Variants in HPS3 observed in about 807,000 individuals in gnomAD.
HPS3 encodes the protein BLOC-2 complex member HPS3.
HPS3 carries 79 observed loss-of-function variants against 110.9 expected under a neutral mutation model. That is an observed-to-expected ratio of 0.71 (90% confidence interval 0.59 to 0.86). HPS3 has a LOEUF of 0.86. HPS3 is among the 40% of genes least tolerant of loss of function. The pLI is 0.00. For missense variants in HPS3, 1,197 were observed against 1,206.2 expected, an observed-to-expected ratio of 0.99 and a Z score of 0.11; for synonymous variants, 428 against 451.0, an observed-to-expected ratio of 0.95 and a Z score of 0.65.
chr3:149,129,641 A>C lies in HPS3; in HGVS notation c.-83A>C. ...CCGGCGTCATTGGCTCGCTCGCGGA[A>C]GTAGTCCTACATTCGCGGTCAGCGC... On this transcript the variant is annotated 5_prime_UTR_variant, in exon 1 of 17. Transcript: ENST00000296051. 22 of 1,045,450 alleles carry C rather than the reference A, an allele frequency of 2.1e-5. No homozygotes were observed. The highest frequency in any genetic ancestry group is 2.7e-5 in the Non-Finnish European group (20 of 753,452). 64.8% of individuals were successfully genotyped at this position (1,045,450 alleles called of 1,614,324 possible). A position where few individuals can be genotyped will look rare whatever the true frequency, so the allele number is the denominator to read the frequency against.
chr3:149,129,819 G>C lies in HPS3; in HGVS notation c.96G>C (p.Ala32=), dbSNP rs1411525128. 3 of 1,605,874 alleles carry C rather than the reference G, an allele frequency of 1.9e-6. No individual in the cohort carries two copies. The highest frequency in any genetic ancestry group is 1.7e-5 in the Admixed American group (1 of 59,892). ...PDRFCGGGRD[A]LFVAAGCKVE... ...GGTTCTGTGGCGGGGGGCGTGACGC[G>C]CTTTTCGTGGCGGCGGGCTGCAAGG... Residue 32 remains alanine (A), a synonymous_variant, in exon 1 of 17, where the codon GCG becomes GCC. Coordinates refer to ENST00000296051, the MANE Select transcript of HPS3 (RefSeq NM_032383.5).
chr3:149,145,261 T>C lies in HPS3; in HGVS notation c.971-93T>C, dbSNP rs915163467. 4.2e-6 allele frequency: 4 copies of C among 956,944 alleles called. No individual in the cohort carries two copies. The African/African-American group carries it at 6.5e-5, about 15-fold the overall frequency. The allele number at this position is 956,944 out of a possible 1,614,324, so 59.3% of individuals were successfully genotyped here. A position where few individuals can be genotyped will look rare whatever the true frequency, so the allele number is the denominator to read the frequency against. On this transcript the variant is annotated intron_variant, in intron 4 of 16. Transcript: ENST00000296051. ...CCTTTGCAACTCTTTGGTTACCCAC[T>C]GATACAGTTTGCATAGCAAAGTCAA... is the stretch of plus-strand genomic sequence containing the variant.
chr3:149,173,410 G>A lies in HPS3; in HGVS notation c.*1188G>A. The A allele has an allele frequency of 4.4e-6, 1 of 225,436 alleles. No homozygotes were observed. The highest frequency in any genetic ancestry group is 9.2e-5 in the South Asian group (1 of 10,880). The allele number at this position is 225,436 out of a possible 1,614,324, so 14.0% of individuals were successfully genotyped here. ...TGAGGAGCACCCAGGAGAATATCTG[G>A]TCATAGATCTTTTTTTAAATGCAGT... On this transcript the variant is annotated 3_prime_UTR_variant, in exon 17 of 17. Transcript: ENST00000296051.
rs201078995 is a variant in HPS3, at chr3:149,155,065, A to G, written c.1401-42A>G. The stretch of plus-strand genomic sequence containing the variant: ...TACCATTTACAACTACCATTTATTA[A>G]TAATGTCATTTTAAAATTCTTGTCC... On this transcript the variant is annotated intron_variant, in intron 7 of 16. Transcript: ENST00000296051. 3.2e-5 allele frequency: 31 copies of G among 975,274 alleles called. No homozygotes were observed. In the Admixed American group the frequency reaches 3.9e-4, roughly 12 times the overall value. The allele number at this position is 975,274 out of a possible 1,614,324, so 60.4% of individuals were successfully genotyped here. A position where few individuals can be genotyped will look rare whatever the true frequency, so the allele number is the denominator to read the frequency against.
intron 1 of HPS3, among the ~76,000 whole-genome samples, chr3:149,131,071 C>T (rs768021662): frequency 2.6e-5 from 4 of 151,246 alleles, no homozygotes; most frequent in Non-Finnish European, 5.9e-5. Context: ...ATCCCTACCC[C>T]GCAGCTGGTT....
rs971971183 is a variant in HPS3, at chr3:149,162,193, C to G, written c.2152C>G (p.Gln718Glu). The G allele has an allele frequency of 2.5e-6, 4 of 1,613,800 alleles. No individual in the cohort carries two copies. The Admixed American group carries it at 5.0e-5, about 20-fold the overall frequency. The change falls in exon 12 of 17, where the codon CAA becomes GAA. Residue 718 changes from glutamine to glutamate, a missense_variant. By Grantham distance (29) the Gln-to-Glu change is conservative. Coordinates refer to ENST00000296051, the MANE Select transcript of HPS3 (RefSeq NM_032383.5). ...GFILEPRLLI[Q>E]QRKGQIVPTE... The stretch of plus-strand genomic sequence containing the variant: ...CATTCTGGAACCTCGGCTGTTGATT[C>G]AACAGAGAAAGGGACAGATTGTTCC...
chr3:149,167,923 C>G lies in HPS3; in HGVS notation c.2827C>G (p.Leu943Val), dbSNP rs753830955. 1.5e-5 allele frequency: 24 copies of G among 1,607,268 alleles called. No individual in the cohort carries two copies. The highest frequency in any genetic ancestry group is 2.0e-5 in the Non-Finnish European group (24 of 1,173,974). ...GTGGTGGAAAAAACTGTTGCCTGAA[C>G]TTTGTCAGAGAATAAAATGTGGTGG... ...TLWWKKLLPELCQRIKCGGEK... is the reference protein window; with the variant it reads ...TLWWKKLLPEVCQRIKCGGEK... The change falls in exon 16 of 17, where the codon CTT becomes GTT. Residue 943 changes from leucine to valine, a missense_variant. Transcript: ENST00000296051.
intron 6 of HPS3, among the ~76,000 whole-genome samples, chr3:149,152,460 C>G (rs967184667): frequency 2.0e-5 from 3 of 152,144 alleles, no homozygotes; most frequent in Admixed American, 2.0e-4. Context: ...TGGAGGTATG[C>G]TGCCCTTGAG....
chr3:149,153,743 G>A, intron 7 of HPS3, 95 bp downstream of exon 7: 5 of 1,309,988 alleles, frequency 3.8e-6, no homozygotes, highest in Non-Finnish European at 5.5e-6. Flanking sequence ...TCATAACTTG[G>A]AATGATCAAA....
chr3:149,130,988 G>A (rs539775693), intron 1 of HPS3, among the ~76,000 whole-genome samples: 1 of 152,128 alleles, frequency 6.6e-6, no homozygotes, highest in Non-Finnish European at 1.5e-5. Flanking sequence ...CAGTATTTAC[G>A]TTGCAAAAGC....
intron 1 of HPS3, among the ~76,000 whole-genome samples, chr3:149,133,988 T>A (rs182683707): frequency 0.027 from 4,042 of 151,926 alleles, 76 homozygotes; most frequent in South Asian, 0.064. Flanking sequence ...TGTTTTTTTT[T>A]AAAAAAAATG....
chr3:149,131,785 G>A (rs1721797378), intron 1 of HPS3, among the ~76,000 whole-genome samples: 1 of 152,182 alleles, frequency 6.6e-6, no homozygotes, highest in Non-Finnish European at 1.5e-5. Flanking sequence ...TAGGCTGCAC[G>A]GTAGGCCTCT....
chr3:149,165,914 T>C (rs1405377553), intron 14 of HPS3: 1 of 428,540 alleles, frequency 2.3e-6, no homozygotes, highest in Non-Finnish European at 4.7e-6. Context: ...CATGAATAAT[T>C]TATTAAACTT....
intron 2 of HPS3, among the ~76,000 whole-genome samples, 195 bp downstream of exon 2, chr3:149,140,693 T>C (rs1400809290): frequency 6.6e-6 from 1 of 152,184 alleles, no homozygotes; most frequent in Non-Finnish European, 1.5e-5. Context: ...TATTTATCAG[T>C]AGAAGTAATG....
intron 5 of HPS3, among the ~76,000 whole-genome samples, chr3:149,149,545 C>T (rs1292955513): frequency 6.6e-6 from 1 of 152,134 alleles, no homozygotes; most frequent in Non-Finnish European, 1.5e-5. Context: ...GCCTGACTAC[C>T]TCTTAAATTG....
intron 10 of HPS3, 72 bp downstream of exon 10, chr3:149,158,918 T>C: frequency 1.9e-6 from 2 of 1,044,254 alleles, no homozygotes; most frequent in Non-Finnish European, 2.8e-6. Flanking sequence ...TATGTAGTAC[T>C]GTTTAGAAGT....
intron 16 of HPS3, 31 bp downstream of exon 16, chr3:149,168,014 A>G (rs1250796858): frequency 8.0e-7 from 1 of 1,245,984 alleles, no homozygotes; most frequent in South Asian, 1.2e-5. Flanking sequence ...CTTGATTATA[A>G]ACTTAAGTTT....
intron 6 of HPS3, among the ~76,000 whole-genome samples, chr3:149,153,276 T>A (rs1434912771): frequency 6.6e-6 from 1 of 152,208 alleles, no homozygotes; most frequent in Non-Finnish European, 1.5e-5. Context: ...GCTGAGTAGC[T>A]CTATGGAATA....
rs759739599 is a variant in HPS3, at chr3:149,160,684, C to T, written c.2106+405C>T. On this transcript the variant is annotated intron_variant, in intron 11 of 16. Coordinates refer to ENST00000296051, the MANE Select transcript of HPS3 (RefSeq NM_032383.5). ...AGGAGTCTAGTAGTTGCAGAAATAG[C>T]CCCCGCTTGGGAAAATCACAGATTA... Among the ~76,000 whole-genome samples, 147 of 152,264 alleles carry T rather than the reference C, an allele frequency of 9.7e-4. 1 individual carries two copies. Among genetic ancestry groups the T allele is most frequent in the Non-Finnish European group, 1.8e-3 (121 of 68,008 alleles).
Sources: gnomAD v4.1 joint callset for allele counts (sites outside exome capture counted in the v4.1 genomes callset) on GRCh38, gnomAD v4.1.1 for gene constraint, MANE v1.5 for transcripts, NCBI Gene and HGNC (gene_info 2026-07-23, HGNC 2026-07-21) for gene names.